The following IGSF10 variants were observed in gnomAD, a reference collection of about 807,000 sequenced individuals.
IGSF10 encodes the protein calvaria mechanical force protein 608.
Under a neutral mutation model 128.2 loss-of-function variants are expected in IGSF10, and 126 were observed. That is an observed-to-expected ratio of 0.98 (90% CI 0.85 to 1.14). The LOEUF is 1.14. Among genes scored for constraint, IGSF10 ranks in the 50% most tolerant of loss-of-function variants. The pLI is 0.00. For synonymous variants in IGSF10, 1,185 were observed against 1,146.2 expected, an observed-to-expected ratio of 1.03 and a Z score of -0.68; for missense variants, 3,295 against 3,149.8, an observed-to-expected ratio of 1.05 and a Z score of -1.10.
intron 6 of IGSF10, 39 bp from the exon 7 acceptor site, chr3:151,443,923 A>G (rs767190092): frequency 1.4e-6 from 2 of 1,476,520 alleles, no homozygotes; most frequent in African/African-American, 1.4e-5. Flanking sequence ...ACGGGTCATC[A>G]AAGTTTATTT....
chr3:151,551,056 A>C, the IGSF10 span, among the ~76,000 whole-genome samples: 1 of 152,132 alleles, frequency 6.6e-6, no homozygotes, highest in African/African-American at 2.4e-5. Context: ...CCATCTCAAG[A>C]TTAACTTGCC....
At chr3:151,576,010 T>C in the IGSF10 span, among the ~76,000 whole-genome samples, 1 of 152,180 alleles carries the variant, frequency 6.6e-6, no homozygotes, top group Non-Finnish European at 1.5e-5. Context: ...TCTAATTTAT[T>C]GATTATGTTA....
At chr3:151,509,752 C>T in the IGSF10 span, among the ~76,000 whole-genome samples, 132 of 152,330 alleles carry the variant, frequency 8.7e-4, 1 homozygote, top group Non-Finnish European at 1.4e-3. Flanking sequence ...CAGACAGCAC[C>T]TGGAAAATTG....
chr3:151,462,156 G>A (rs1046640017), upstream of IGSF10, among the ~76,000 whole-genome samples: 7 of 151,978 alleles, frequency 4.6e-5, no homozygotes, highest in African/African-American at 1.4e-4. Flanking sequence ...TAAACACTGA[G>A]TTAACATAAC....
the IGSF10 span, among the ~76,000 whole-genome samples, chr3:151,507,726 T>C: frequency 6.6e-6 from 1 of 152,160 alleles, no homozygotes. Flanking sequence ...ACTACCATGA[T>C]TCAATTACCT....
chr3:151,466,928 A>G, the IGSF10 span, among the ~76,000 whole-genome samples: 1 of 152,076 alleles, frequency 6.6e-6, no homozygotes, highest in Non-Finnish European at 1.5e-5. Flanking sequence ...AAGAGAACTT[A>G]AGATGGTCGA....
rs777493189 is a variant in IGSF10 at position 151,438,131 on chromosome 3, T to C, written c.6430A>G (p.Arg2144Gly). 4 of 1,614,216 alleles carry C rather than the reference T, an allele frequency of 2.5e-6. No homozygotes were observed. The Admixed American group carries it at 6.7e-5, about 27-fold the overall frequency. The change falls in exon 8 of 8, where the codon AGG becomes GGG. Residue 2144 changes from arginine (R) to glycine (G), a missense_variant. Physicochemically the swap from Arg to Gly is moderately radical, Grantham distance 125. Coordinates refer to ENST00000282466, the MANE Select transcript of IGSF10 (RefSeq NM_178822.5). The part of the protein sequence containing the change: ...LTVITAAPRI[R>G]QSNKTNKRIK... Reference sequence around the variant, plus strand: ...CTCTTGTTGGTTTTGTTACTCTGCCTTATCCGGGGAGCAGCTGTTATAACT... The same window carrying C: ...CTCTTGTTGGTTTTGTTACTCTGCCCTATCCGGGGAGCAGCTGTTATAACT...
the IGSF10 span, among the ~76,000 whole-genome samples, chr3:151,485,106 A>C: frequency 6.6e-6 from 1 of 152,212 alleles, no homozygotes; most frequent in African/African-American, 2.4e-5. Context: ...GAAAAACATA[A>C]ATGACCTGAT....
chr3:151,554,695 C>T, the IGSF10 span, among the ~76,000 whole-genome samples: 3 of 152,036 alleles, frequency 2.0e-5, no homozygotes, highest in African/African-American at 7.3e-5. Context: ...TTGAATTGTA[C>T]CAAAAACTAT....
the IGSF10 span, among the ~76,000 whole-genome samples, chr3:151,491,760 A>G: frequency 6.6e-6 from 1 of 152,144 alleles, no homozygotes; most frequent in Admixed American, 6.6e-5. Context: ...AACGCTTCCA[A>G]AAATAGAGCC....
At chr3:151,460,166 A>G (rs1577679348) in intron 2 of IGSF10, 95 bp downstream of exon 2, 2 of 233,010 alleles carry the variant, frequency 8.6e-6, no homozygotes, top group African/African-American at 4.7e-5. Flanking sequence ...CAAATTATTT[A>G]AAAGAGGATC....
At position 151,446,178 on chromosome 3, in the gene IGSF10, G is replaced by T; in HGVS notation, c.3803C>A (p.Thr1268Asn). The change falls in exon 6 of 8, where the codon ACT (threonine) becomes AAT (asparagine). Residue 1268 changes from threonine to asparagine, a missense_variant. Transcript: ENST00000282466. ...TTTGGTCGTAGTGTGGTGAGCGGTAGTCAAGGTATTAGATGGAATTTGCAT... is the reference window on the plus strand; with the variant it reads ...TTTGGTCGTAGTGTGGTGAGCGGTATTCAAGGTATTAGATGGAATTTGCAT... Reference protein sequence around the residue: ...SVMQIPSNTLTTAHHTTTKTH... With the variant: ...SVMQIPSNTLNTAHHTTTKTH... 1 of 1,614,104 alleles carries T rather than the reference G, an allele frequency of 6.2e-7. No individual in the cohort carries two copies. The highest frequency in any genetic ancestry group is 8.5e-7 in the Non-Finnish European group (1 of 1,180,000).
rs1239368613 is a variant in IGSF10 at position 151,437,812 on chromosome 3, G to C, written c.6749C>G (p.Thr2250Arg). ...GTGTTTTTTGGAATGTCTCACAGCT[G>C]TGGCTTTAATAACAGTTCTGTTTGT... ...LYTNRTVIKA[T>R]AVRHSKKHFD... Residue 2250 changes from threonine (T) to arginine (R), a missense_variant, in exon 8 of 8, where the codon ACA (threonine) becomes AGA (arginine). Coordinates refer to ENST00000282466, the MANE Select transcript of IGSF10 (RefSeq NM_178822.5). The C allele has an allele frequency of 3.7e-6, 6 of 1,613,894 alleles. No individual in the cohort carries two copies. In the African/African-American group the frequency reaches 5.3e-5, roughly 14 times the overall value.
chr3:151,544,593 G>A, the IGSF10 span, among the ~76,000 whole-genome samples: 1 of 151,610 alleles, frequency 6.6e-6, no homozygotes, highest in Non-Finnish European at 1.5e-5. Context: ...TACCCACCCT[G>A]TTTTAGTTTT....
intron 7 of IGSF10, chr3:151,440,509 AATCTTGAAGTAAT>A: frequency 2.2e-6 from 1 of 456,354 alleles, no homozygotes; most frequent in South Asian, 1.5e-5. Context: ...CTGGTTGTTT[AATCTTGAAGTAAT>A]TCCCTCACTA....
Position 151,438,253 on chromosome 3 carries a change from G to C in IGSF10, c.6308C>G (p.Thr2103Ser). Reference sequence around the variant, plus strand: ...TACCCCAACTTTGTTGAAGTATAAAGTTCCATTGTTGAAAAGGGTATATCT... The same window carrying C: ...TACCCCAACTTTGTTGAAGTATAAACTTCCATTGTTGAAAAGGGTATATCT... The part of the protein sequence containing the change: ...TRRYTLFNNG[T>S]LYFNKVGVAE... Residue 2103 changes from threonine (T) to serine (S), a missense_variant, in exon 8 of 8, where the codon ACT becomes AGT. Thr to Ser is a moderately conservative substitution (Grantham distance 58). Coordinates refer to ENST00000282466, the MANE Select transcript of IGSF10 (RefSeq NM_178822.5). The C allele has an allele frequency of 6.2e-7, 1 of 1,614,094 alleles. No homozygotes were observed. The highest frequency in any genetic ancestry group is 2.2e-5 in the East Asian group (1 of 44,886).
At chr3:151,509,349 C>A in the IGSF10 span, among the ~76,000 whole-genome samples, 3 of 152,192 alleles carry the variant, frequency 2.0e-5, no homozygotes, top group South Asian at 6.2e-4. Flanking sequence ...GATAACCCAT[C>A]AGTTATCAGT....
At chr3:151,539,591 A>G in the IGSF10 span, among the ~76,000 whole-genome samples, 2 of 152,130 alleles carry the variant, frequency 1.3e-5, no homozygotes, top group Non-Finnish European at 2.9e-5. Context: ...AGAAATGGAG[A>G]TGCAGAAAAA....
chr3:151,456,985 C>T (rs1408503710), intron 4 of IGSF10, 41 bp downstream of exon 4: 9 of 1,611,616 alleles, frequency 5.6e-6, no homozygotes, highest in Admixed American at 5.0e-5. Flanking sequence ...ACAGGTCCCA[C>T]CTTACCTCTT....
Sources: allele counts gnomAD v4.1 joint callset (sites outside exome capture counted in the v4.1 genomes callset), GRCh38; gene constraint gnomAD v4.1.1; transcripts MANE v1.5; gene names NCBI Gene and HGNC (gene_info 2026-07-23, HGNC 2026-07-21).